The following JCAD variants were observed in gnomAD, a reference collection of about 807,000 sequenced individuals.
JCAD encodes junctional cadherin 5 associated.
A neutral mutation model predicts 98.0 loss-of-function variants in JCAD; 40 were observed. That is an observed-to-expected ratio of 0.41 (90% CI 0.32 to 0.53). The LOEUF (loss-of-function observed/expected upper bound fraction) is 0.53. JCAD is among the 20% of genes least tolerant of loss of function. The pLI, the probability that JCAD is intolerant of heterozygous loss-of-function variation, is 0.31. For synonymous variants in JCAD, 691 were observed against 682.3 expected (o/e 1.01, Z -0.20); for missense variants, 1,705 against 1,738.1 (o/e 0.98, Z 0.34).
Position 30,012,900 on chromosome 10 carries a change from A to C in JCAD, c.*4983T>G, listed in dbSNP as rs1836448847. 1 of 152,330 alleles carries C rather than the reference A, an allele frequency of 6.6e-6. No individual in the cohort carries two copies. The highest frequency in any genetic ancestry group is 1.5e-5 in the Non-Finnish European group (1 of 68,090). The allele number at this position is 152,330 out of a possible 1,614,324, so 9.4% of individuals were successfully genotyped here. A position where few individuals can be genotyped will look rare whatever the true frequency, so the allele number is the denominator to read the frequency against. On this transcript the variant is annotated 3_prime_UTR_variant, in exon 4 of 4. Coordinates refer to ENST00000375377, the MANE Select transcript of JCAD (RefSeq NM_020848.4). ...TATTTACACTGTGCAGAGAAATACA[A>C]GAGCTTCTTGAAGACATTCATCTGT...
intron 2 of JCAD, among the ~76,000 whole-genome samples, chr10:30,066,256 G>A (rs1000903973): frequency 2.6e-5 from 4 of 152,146 alleles, no homozygotes; most frequent in African/African-American, 9.7e-5. Context: ...AGAAGAGAGT[G>A]ACAAACAATT....
chr10:30,094,331 T>C (rs1838334284), intron 1 of JCAD, among the ~76,000 whole-genome samples: 1 of 150,654 alleles, frequency 6.6e-6, no homozygotes, highest in Admixed American at 6.6e-5. Flanking sequence ...GTGCCTGTAG[T>C]TCCAGCTACT....
chr10:30,051,284 GCACACACACACA>G (rs58845322), intron 1 of JCAD, among the ~76,000 whole-genome samples: 3 of 146,764 alleles, frequency 2.0e-5, no homozygotes, highest in Non-Finnish European at 3.0e-5. Flanking sequence ...ACACACGCAC[GCACACACACACA>G]CACACACACA....
intron 1 of JCAD, among the ~76,000 whole-genome samples, chr10:30,090,602 T>C (rs1454266397): frequency 6.6e-6 from 1 of 150,814 alleles, no homozygotes; most frequent in Non-Finnish European, 1.5e-5. Flanking sequence ...AAGGGAAAAA[T>C]GTGAACATTC....
chr10:30,107,483 A>G (rs572353049), intron 1 of JCAD, among the ~76,000 whole-genome samples: 1 of 152,352 alleles, frequency 6.6e-6, no homozygotes, highest in Non-Finnish European at 1.5e-5. Flanking sequence ...AGGGGAGGAC[A>G]CTTCAGTTCT....
rs368767220 is a variant in JCAD at position 30,027,168 on chromosome 10, C to G, written c.2980G>C (p.Ala994Pro). 16 of 1,614,034 alleles carry G rather than the reference C, an allele frequency of 9.9e-6. No homozygotes were observed. The African/African-American group carries it at 1.5e-4, about 15-fold the overall frequency. ...DAKPLPASYP[A>P]EPREPQESPK... ...CTTTCCTGGGGCTCCCTAGGTTCAG[C>G]TGGATAGGACGCGGGCAGTGGTTTT... Residue 994 changes from alanine to proline, a missense_variant, in exon 3 of 4, where the codon GCT (alanine) becomes CCT (proline). Around this residue, in one of 3 missense-constraint regions of JCAD, gnomAD observed 1,278 missense variants for 1,243.1 expected, o/e 1.03. Coordinates refer to ENST00000375377, the MANE Select transcript of JCAD (RefSeq NM_020848.4).
chr10:30,038,688 T>A (rs149160762), intron 2 of JCAD, among the ~76,000 whole-genome samples: 7,297 of 121,784 alleles, frequency 0.06, no homozygotes, highest in East Asian at 0.088. Context: ...TGTCTCAAAA[T>A]AAAAAAAAAA....
At position 30,014,998 on chromosome 10, in the gene JCAD, T is replaced by G. The variant is rs1836505781; in HGVS notation, c.*2885A>C. 6.6e-6 allele frequency: 1 copy of G among 152,236 alleles called. No homozygotes were observed. The highest frequency in any genetic ancestry group is 2.1e-4 in the South Asian group (1 of 4,834). 9.4% of individuals were successfully genotyped at this position (152,236 alleles called of 1,614,324 possible). On this transcript the variant is annotated 3_prime_UTR_variant, in exon 4 of 4. Coordinates refer to ENST00000375377, the MANE Select transcript of JCAD (RefSeq NM_020848.4). ...GTGCACTGTCAGTGAGGAGTTTTTC[T>G]GTACTTTGCAGAAACATGAGGTTGA...
chr10:30,095,138 C>A (rs1171211774), intron 1 of JCAD, among the ~76,000 whole-genome samples: 5 of 152,136 alleles, frequency 3.3e-5, no homozygotes, highest in African/African-American at 1.2e-4. Flanking sequence ...TCTCTGTGCC[C>A]TAGAACTCTG....
chr10:30,019,032 T>A (rs1836598183), intron 3 of JCAD, among the ~76,000 whole-genome samples: 1 of 152,142 alleles, frequency 6.6e-6, no homozygotes, highest in Admixed American at 6.6e-5. Context: ...TACCTAATCA[T>A]CAAGGTTTTC....
rs187317606 is a variant in JCAD, at chr10:30,105,900, G to C, written n.128+9467C>G. On this transcript the variant is annotated intron_variant and non_coding_transcript_variant, in intron 1 of 2. Transcript: ENST00000465712. ...AATTTATGTGTAAAGATCTAAAATG[G>C]TGATTTTGCATCCTATATTCTGAAT... 6.2e-3 allele frequency among the ~76,000 whole-genome samples: 948 copies of C among 152,178 alleles called. 11 individuals are homozygous for C. The highest frequency in any genetic ancestry group is 8.6e-3 in the Admixed American group (132 of 15,280).
At chr10:30,057,182 C>A (rs907218240) in intron 1 of JCAD, among the ~76,000 whole-genome samples, 2 of 152,192 alleles carry the variant, frequency 1.3e-5, no homozygotes, top group African/African-American at 4.8e-5. Flanking sequence ...GATTAATTAG[C>A]ATGGAGTTTC....
At chr10:30,114,134 G>A (rs1451169439) in intron 1 of JCAD, among the ~76,000 whole-genome samples, 2 of 152,128 alleles carry the variant, frequency 1.3e-5, no homozygotes, top group African/African-American at 4.8e-5. Flanking sequence ...TTAGTTCCCC[G>A]TGCACAATGG....
intron 1 of JCAD, among the ~76,000 whole-genome samples, chr10:30,072,495 C>A (rs546897624): frequency 6.6e-6 from 1 of 152,216 alleles, no homozygotes; most frequent in South Asian, 2.1e-4. Context: ...CTGATGACAA[C>A]GGTTACTCAC....
chr10:30,105,364 T>C (rs1045423149), intron 1 of JCAD, among the ~76,000 whole-genome samples: 22 of 151,764 alleles, frequency 1.4e-4, no homozygotes, highest in Admixed American at 7.2e-4. Context: ...CTTTCTTTTT[T>C]TTTTTTTTGA....
chr10:30,027,241 T>C lies in JCAD; in HGVS notation c.2907A>G (p.Ala969=). 6.2e-7 allele frequency: 1 copy of C among 1,614,232 alleles called. No individual in the cohort carries two copies. The change falls in exon 3 of 4, where the codon GCA becomes GCG. Residue 969 remains alanine, a synonymous_variant. Transcript: ENST00000375377. The stretch of plus-strand genomic sequence containing the variant: ...TTCTCGTCACAGGAAATGGGCTACC[T>C]GCCAGCTCGTCCATTCCGTTGCTAA... ...LEVSNGMDEL[A]GSPFPVTRMS...
chr10:30,020,513 C>T (rs1196475262), intron 3 of JCAD, among the ~76,000 whole-genome samples: 1 of 152,096 alleles, frequency 6.6e-6, no homozygotes, highest in Non-Finnish European at 1.5e-5. Context: ...GGTATCACGA[C>T]TGTGATGACT....
chr10:30,082,976 T>G (rs149447567), intron 1 of JCAD, among the ~76,000 whole-genome samples: 2,327 of 151,730 alleles, frequency 0.015, 40 homozygotes, highest in Middle Eastern at 0.062. Context: ...AGAGGTTGCA[T>G]TGAGCCAAGA....
chr10:30,101,258 A>T (rs1214924201), intron 1 of JCAD, among the ~76,000 whole-genome samples: 3 of 152,094 alleles, frequency 2.0e-5, no homozygotes, highest in African/African-American at 7.2e-5. Context: ...AATACAAAAA[A>T]TATAGCTGGG....
Sources: gnomAD v4.1 joint callset for allele counts (sites outside exome capture counted in the v4.1 genomes callset) on GRCh38, gnomAD v4.1.1 for gene constraint, gnomAD v4.1.1 regional missense constraint, MANE v1.5 for transcripts, NCBI Gene and HGNC (gene_info 2026-07-23, HGNC 2026-07-21) for gene names.